Variants in ABHD12B observed in about 807,000 individuals in gnomAD.
ABHD12B encodes the protein abhydrolase domain containing 12B.
ABHD12B carries 42 observed loss-of-function variants against 50.4 expected under a neutral mutation model. The ratio of observed to expected loss-of-function variants is 0.83; its 90% CI spans 0.65 to 1.08. The LOEUF is 1.08. Among genes scored for constraint, ABHD12B ranks in the 50% least tolerant of loss-of-function variants. The probability of loss-of-function intolerance (pLI) is 0.00; values close to 1 mark genes in which losing one functional copy is unlikely to be tolerated. For missense variants in ABHD12B, 479 were observed against 447.7 expected, an observed-to-expected ratio of 1.07 and a Z score of -0.63; for synonymous variants, 167 against 160.3, an observed-to-expected ratio of 1.04 and a Z score of -0.32.
intron 8 of ABHD12B, 21 bp from the exon 9 acceptor site, chr14:50,888,803 C>A (rs143421414): frequency 2.6e-4 from 415 of 1,595,028 alleles, no homozygotes; most frequent in South Asian, 7.3e-4. Flanking sequence ...TGATTTCTTT[C>A]TTTCTTTCTT....
intron 9 of ABHD12B, among the ~76,000 whole-genome samples, chr14:50,895,993 A>G (rs1337095339): frequency 2.6e-5 from 4 of 152,020 alleles, no homozygotes; most frequent in Admixed American, 2.6e-4. Flanking sequence ...CTACAGCTAT[A>G]TCTCATTGCC....
At chr14:50,891,377 G>A (rs1404863093) in intron 9 of ABHD12B, 2 of 152,134 alleles carry the variant, frequency 1.3e-5, no homozygotes, top group Non-Finnish European at 2.9e-5. Context: ...CGAGTAGCTG[G>A]GACTACAGGC....
At chr14:50,880,894 G>C (rs1397158483) in intron 4 of ABHD12B, among the ~76,000 whole-genome samples, 2 of 152,164 alleles carry the variant, frequency 1.3e-5, no homozygotes, top group African/African-American at 4.8e-5. Context: ...ACAGGAAAGG[G>C]AACAGGCACG....
chr14:50,885,740 CTG>C, intron 6 of ABHD12B, 24 bp from the exon 7 acceptor site: 6 of 1,614,140 alleles, frequency 3.7e-6, no homozygotes, highest in Non-Finnish European at 5.1e-6. Context: ...GGCAGTGATA[CTG>C]TGTTTGCCTT....
Position 50,901,826 on chromosome 14 carries a change from T to C in ABHD12B, c.781-3T>C. The C allele has an allele frequency of 6.3e-7, 1 of 1,583,614 alleles. No homozygotes were observed. Among genetic ancestry groups the C allele is most frequent in the South Asian group, 1.2e-5 (1 of 85,626 alleles). Reference sequence around the variant, plus strand: ...TTAATTTTTTTTTCTTTTTTAAAAATAGATTTACCGGAACATTCCAGGATT... The same window carrying C: ...TTAATTTTTTTTTCTTTTTTAAAAACAGATTTACCGGAACATTCCAGGATT... On this transcript the variant is annotated splice_polypyrimidine_tract_variant and splice_region_variant and intron_variant, in intron 9 of 12. Coordinates refer to ENST00000337334, the MANE Select transcript of ABHD12B (RefSeq NM_001206673.2).
At chr14:50,895,507 C>T (rs28787360) in intron 9 of ABHD12B, 25,003 of 152,090 alleles carry the variant, frequency 0.16, 2,491 homozygotes, top group Admixed American at 0.31. Context: ...CCTCCTAAGC[C>T]GCGTCCCATC....
At chr14:50,895,290 G>A (rs1217433771) in intron 9 of ABHD12B, among the ~76,000 whole-genome samples, 19 of 146,326 alleles carry the variant, frequency 1.3e-4, no homozygotes, top group African/African-American at 4.3e-4. Flanking sequence ...AATTAACCTC[G>A]CCTTCAAGGT....
chr14:50,877,927 TTG>T, intron 1 of ABHD12B, 23 bp from the exon 2 acceptor site: 1 of 1,477,766 alleles, frequency 6.8e-7, no homozygotes, highest in Non-Finnish European at 8.9e-7. Flanking sequence ...TTCGAAAACC[TTG>T]TGTGTTTCCC....
At chr14:50,899,650 T>C (rs1297052703) in intron 9 of ABHD12B, among the ~76,000 whole-genome samples, 1 of 152,016 alleles carries the variant, frequency 6.6e-6, no homozygotes, top group Non-Finnish European at 1.5e-5. Flanking sequence ...TCTTTGCAAA[T>C]TTATTGCAAA....
At chr14:50,903,527 T>C in intron 11 of ABHD12B, 60 bp downstream of exon 11, 3 of 1,457,856 alleles carry the variant, frequency 2.1e-6, no homozygotes, top group East Asian at 2.3e-5. Context: ...ATTTTTTTCA[T>C]TCAGCCAAAC....
At chr14:50,875,512 A>G (rs562882848) in intron 1 of ABHD12B, among the ~76,000 whole-genome samples, 1 of 152,320 alleles carries the variant, frequency 6.6e-6, no homozygotes, top group South Asian at 2.1e-4. Flanking sequence ...CCCCTGTGGG[A>G]CGCTGTGTGG....
At chr14:50,896,938 A>G (rs575742375) in intron 9 of ABHD12B, among the ~76,000 whole-genome samples, 1 of 152,332 alleles carries the variant, frequency 6.6e-6, no homozygotes, top group East Asian at 1.9e-4. Flanking sequence ...AGTTACTCAA[A>G]GAGGATTATT....
rs189677942 is a variant in ABHD12B, at chr14:50,878,133, C to T, written c.232+54C>T. 3.4e-5 allele frequency: 48 copies of T among 1,400,228 alleles called. No homozygotes were observed. In the Admixed American group the frequency reaches 1.1e-3, roughly 31 times the overall value. The allele number at this position is 1,400,228 out of a possible 1,614,324, so 86.7% of individuals were successfully genotyped here. ...TATATAATTTTTCCCAAATAAAGAC[C>T]TCAGTACCCTTAAAGTTGTGACGTA... On this transcript the variant is annotated intron_variant, in intron 2 of 12. Coordinates refer to ENST00000337334, the MANE Select transcript of ABHD12B (RefSeq NM_001206673.2).
chr14:50,897,322 C>CCTCA (rs1281452613), intron 9 of ABHD12B, among the ~76,000 whole-genome samples: 6 of 152,148 alleles, frequency 3.9e-5, no homozygotes, highest in Admixed American at 6.5e-5. Context: ...GATCCACCTG[C>CCTCA]CTCAGCCTCC....
chr14:50,885,174 C>T (rs1312578300), intron 5 of ABHD12B, among the ~76,000 whole-genome samples: 1 of 152,188 alleles, frequency 6.6e-6, no homozygotes, highest in Non-Finnish European at 1.5e-5. Context: ...TGCTCTCCGT[C>T]TCTCCCACTG....
chr14:50,873,626 C>T (rs773024247), intron 1 of ABHD12B, among the ~76,000 whole-genome samples: 24 of 152,184 alleles, frequency 1.6e-4, no homozygotes, highest in Non-Finnish European at 2.8e-4. Context: ...GATCTGAACA[C>T]GTGGCAGAAT....
chr14:50,879,210 G>A (rs73284735), intron 3 of ABHD12B, among the ~76,000 whole-genome samples: 1 of 152,256 alleles, frequency 6.6e-6, no homozygotes, highest in African/African-American at 2.4e-5. Context: ...CTTGCTAACT[G>A]TCTACTCATC....
At chr14:50,877,906 A>C in intron 1 of ABHD12B, 46 bp from the exon 2 acceptor site, 2 of 1,465,552 alleles carry the variant, frequency 1.4e-6, no homozygotes, top group Non-Finnish European at 1.8e-6. Flanking sequence ...AACCAAGACA[A>C]ATGGATTAAT....
chr14:50,898,728 T>C (rs1488664316), intron 9 of ABHD12B, among the ~76,000 whole-genome samples: 1 of 151,900 alleles, frequency 6.6e-6, no homozygotes, highest in African/African-American at 2.4e-5. Flanking sequence ...GGGGTGAGAG[T>C]ACCAGAAGAC....
Sources: allele counts gnomAD v4.1 joint callset (sites outside exome capture counted in the v4.1 genomes callset), GRCh38; gene constraint gnomAD v4.1.1; transcripts MANE v1.5; gene names NCBI Gene and HGNC (gene_info 2026-07-23, HGNC 2026-07-21).